The following DNAAF4 variants were observed in gnomAD, a reference collection of about 807,000 sequenced individuals.
DNAAF4 encodes dynein assembly factor 4, axonemal.
Under a neutral mutation model 51.8 loss-of-function variants are expected in DNAAF4, and 43 were observed. The ratio of observed to expected loss-of-function variants is 0.83; its 90% confidence interval spans 0.65 to 1.07. The LOEUF is 1.07. Ranked by LOEUF, DNAAF4 falls within the 50% of genes least tolerant of loss-of-function variation. The pLI is 0.00. For synonymous variants in DNAAF4, 194 were observed against 165.6 expected (o/e 1.17, Z -1.32); for missense variants, 581 against 493.0 (o/e 1.18, Z -1.69).
chr15:55,422,907 G>C (rs948655803), intron 7 of DNAAF4, among the ~76,000 whole-genome samples: 18 of 152,058 alleles, frequency 1.2e-4, no homozygotes, highest in African/African-American at 4.3e-4. Context: ...TGAGGCAGGA[G>C]AATCGCTTGA....
At chr15:55,426,341 G>A (rs1476474688), downstream of DNAAF4, among the ~76,000 whole-genome samples, 1 of 152,172 alleles carries the variant, frequency 6.6e-6, no homozygotes, top group Non-Finnish European at 1.5e-5. Context: ...GTCCTACAAA[G>A]GCAGTCTAAT....
chr15:55,447,532 G>A lies in DNAAF4; in HGVS notation c.783+2690C>T, dbSNP rs146445022. Among the ~76,000 whole-genome samples, 192 of 151,734 alleles carry A rather than the reference G, an allele frequency of 1.3e-3. 1 individual carries two copies. Among genetic ancestry groups the A allele is most frequent in the African/African-American group, 4.4e-3 (183 of 41,374 alleles). On this transcript the variant is annotated intron_variant, in intron 6 of 9. Coordinates refer to ENST00000321149, the MANE Select transcript of DNAAF4 (RefSeq NM_130810.4). ...ACTCCATCTGCAATCCCAGCACCTC[G>A]GGAGGCCGAGGCGGGCAGATCAGGA...
In DNAAF4 at chr15:55,497,756, T is replaced by C. The variant is rs1317235559; in HGVS notation, c.227A>G (p.Tyr76Cys). 6.2e-7 allele frequency: 1 copy of C among 1,613,820 alleles called. No individual in the cohort carries two copies. The highest frequency in any genetic ancestry group is 8.5e-7 in the Non-Finnish European group (1 of 1,179,898). Reference protein sequence around the residue: ...IGNDTIVFTLYKKEAAMWETL... With the variant: ...IGNDTIVFTLCKKEAAMWETL... ...CTCCCACATGGCCGCTTCTTTTTTA[T>C]ACAAGGTGAAGACAATGGTGTCATT... Residue 76 changes from tyrosine (Y) to cysteine (C), a missense_variant, in exon 3 of 10, where the codon TAT (tyrosine) becomes TGT (cysteine). Tyr to Cys is a radical substitution (Grantham distance 194, BLOSUM62 -2). Coordinates refer to ENST00000321149, the MANE Select transcript of DNAAF4 (RefSeq NM_130810.4).
At chr15:55,460,892 G>C (rs963716243) in intron 5 of DNAAF4, among the ~76,000 whole-genome samples, 4 of 151,464 alleles carry the variant, frequency 2.6e-5, no homozygotes, top group African/African-American at 9.7e-5. Context: ...AGCCTCCCAA[G>C]CAGCTGGGAT....
intron 4 of DNAAF4, among the ~76,000 whole-genome samples, chr15:55,469,190 G>A (rs1348570087): frequency 6.6e-6 from 1 of 151,814 alleles, no homozygotes; most frequent in Non-Finnish European, 1.5e-5. Flanking sequence ...AATTTAGCCG[G>A]GCTTGGTGGC....
chr15:55,464,741 G>A (rs2447712), intron 5 of DNAAF4, among the ~76,000 whole-genome samples: 67,291 of 151,968 alleles, frequency 0.44, 16,223 homozygotes, highest in East Asian at 0.74. Flanking sequence ...GCTGAGGCAG[G>A]CGGATCACCT....
chr15:55,498,936 G>A (rs1047779233), intron 1 of DNAAF4, among the ~76,000 whole-genome samples: 1 of 144,792 alleles, frequency 6.9e-6, no homozygotes, highest in African/African-American at 2.7e-5. Flanking sequence ...AAAAGAAAAA[G>A]AAAGAAAGAA....
chr15:55,460,551 G>A (rs1025505989), intron 5 of DNAAF4, among the ~76,000 whole-genome samples: 3 of 152,084 alleles, frequency 2.0e-5, no homozygotes, highest in African/African-American at 7.2e-5. Context: ...AATAGTGGAG[G>A]ACTTCAGTAC....
chr15:55,501,453 G>A (rs1327619092), intron 1 of DNAAF4, among the ~76,000 whole-genome samples: 4 of 148,106 alleles, frequency 2.7e-5, no homozygotes, highest in East Asian at 4.1e-4. Flanking sequence ...TCGGCTCACT[G>A]CAAGCTCCGC....
chr15:55,418,926 T>TA (rs2057362788), intron 7 of DNAAF4, among the ~76,000 whole-genome samples: 1 of 4,860 alleles, frequency 2.1e-4, no homozygotes, highest in South Asian at 0.17. Context: ...TTCACACTTT[T>TA]TTTTTTTTTT....
Position 55,430,684 on chromosome 15 carries a change from C to A in DNAAF4, c.1249G>T (p.Glu417Ter), listed in dbSNP as rs57809907. The change falls in exon 10 of 10, where the codon GAA (glutamate) becomes TAA (stop). Residue 417 changes from glutamate to a stop codon, truncating the protein, a stop_gained. Transcript: ENST00000321149. LOFTEE classifies it high-confidence loss of function. Reference sequence around the variant, plus strand: ...TCTAATAGTCATTAAGATTTTAGTTCTGTTCCTTGAATTACATTCCGAATC... The same window carrying A: ...TCTAATAGTCATTAAGATTTTAGTTATGTTCCTTGAATTACATTCCGAATC... ...EKIRNVIQGTELKS is the reference protein window; with the variant it reads ...EKIRNVIQGT 167,820 of 1,611,952 alleles carry A rather than the reference C, an allele frequency of 0.1. 13,397 individuals carry two copies. The highest frequency in any genetic ancestry group is 0.43 in the African/African-American group (32,056 of 74,864).
intron 1 of DNAAF4, among the ~76,000 whole-genome samples, chr15:55,502,248 C>T (rs2058703556): frequency 6.6e-6 from 1 of 151,964 alleles, no homozygotes; most frequent in Non-Finnish European, 1.5e-5. Flanking sequence ...GGTTTGGTTC[C>T]CCCATAGTAT....
At chr15:55,476,878 G>T (rs955047363) in intron 4 of DNAAF4, among the ~76,000 whole-genome samples, 4 of 152,074 alleles carry the variant, frequency 2.6e-5, no homozygotes, top group East Asian at 3.9e-4. Flanking sequence ...AAGACGAAAT[G>T]AGTTCTGGAG....
intron 7 of DNAAF4, chr15:55,418,391 T>G (rs1566992830): frequency 6.5e-7 from 1 of 1,534,648 alleles, no homozygotes; most frequent in Non-Finnish European, 8.7e-7. Context: ...TAAAACCAAT[T>G]CAAGTCATTA....
intron 1 of DNAAF4, among the ~76,000 whole-genome samples, chr15:55,503,147 C>G (rs1392730867): frequency 2.0e-5 from 3 of 151,792 alleles, no homozygotes; most frequent in South Asian, 2.1e-4. Flanking sequence ...CTATAAACAC[C>G]TCTACGCAAA....
intron 6 of DNAAF4, among the ~76,000 whole-genome samples, chr15:55,442,282 C>A (rs185928415): frequency 1.3e-5 from 2 of 152,122 alleles, no homozygotes; most frequent in Non-Finnish European, 2.9e-5. Flanking sequence ...CCATGCCCGG[C>A]TAATTTTTTT....
chr15:55,465,054 C>T (rs986153289), intron 5 of DNAAF4, among the ~76,000 whole-genome samples: 38 of 152,238 alleles, frequency 2.5e-4, no homozygotes, highest in South Asian at 8.3e-4. Flanking sequence ...CAATGCGATA[C>T]CACCTTACTC....
intron 4 of DNAAF4, among the ~76,000 whole-genome samples, chr15:55,482,030 G>A (rs1044973075): frequency 3.3e-5 from 5 of 152,140 alleles, no homozygotes; most frequent in Admixed American, 6.5e-5. Context: ...CATTGCAATC[G>A]GGGCTCTTGA....
At chr15:55,471,167 A>C (rs1225866472) in intron 4 of DNAAF4, among the ~76,000 whole-genome samples, 1 of 151,980 alleles carries the variant, frequency 6.6e-6, no homozygotes, top group Non-Finnish European at 1.5e-5. Context: ...AGCATGATTG[A>C]TTATTAAGTC....
Sources: allele counts gnomAD v4.1 joint callset (sites outside exome capture counted in the v4.1 genomes callset), GRCh38; gene constraint gnomAD v4.1.1; transcripts MANE v1.5; gene names NCBI Gene and HGNC (gene_info 2026-07-23, HGNC 2026-07-21).